THSD7B: variants seen among roughly 807,000 people sequenced by gnomAD.
THSD7B encodes the protein thrombospondin type-1 domain-containing protein 7B.
In THSD7B, 138 loss-of-function variants were observed where a neutral mutation model predicts 213.6. The ratio of observed to expected loss-of-function variants is 0.65; its 90% CI spans 0.56 to 0.74. The LOEUF (loss-of-function observed/expected upper bound fraction) is 0.74. THSD7B is among the 30% of genes least tolerant of loss of function. THSD7B has a pLI of 0.00. For synonymous variants in THSD7B, 742 were observed against 687.0 expected (o/e 1.08, Z -1.25); for missense variants, 1,931 against 1,991.5 (o/e 0.97, Z 0.58).
rs190103383 is a variant in THSD7B at position 137,088,188 on chromosome 2, T to C, written c.951-6685T>C. 2.6e-3 allele frequency among the ~76,000 whole-genome samples: 393 copies of C among 151,754 alleles called. 4 individuals are homozygous for C. Among genetic ancestry groups the C allele is most frequent in the African/African-American group, 8.6e-3 (356 of 41,370 alleles). ...CCAGGAGGTGGAGGTTGCAGTAAGC[T>C]GAGATTGCACCACTGCACTCCAGCC... On this transcript the variant is annotated intron_variant, in intron 3 of 27. Transcript: ENST00000409968.
intron 1 of THSD7B, among the ~76,000 whole-genome samples, chr2:136,860,242 A>G (rs1414084779): frequency 2.0e-5 from 3 of 152,058 alleles, no homozygotes; most frequent in Non-Finnish European, 4.4e-5. Flanking sequence ...CGATGCGAGT[A>G]GAGGGAGTGC....
In THSD7B at chr2:137,479,409, C is replaced by T. The variant is rs1688256049; in HGVS notation, c.3138+28386C>T. The T allele has an allele frequency of 1.0e-5, 3 of 295,114 alleles. No individual in the cohort carries two copies. The Admixed American group carries it at 1.3e-4, about 12-fold the overall frequency. 18.3% of individuals were successfully genotyped at this position (295,114 alleles called of 1,614,324 possible). A position where few individuals can be genotyped will look rare whatever the true frequency, so the allele number is the denominator to read the frequency against. ...GCTTGGTGGGCCTGTCCTCTGGCTT[C>T]CCAGTGGTGCATGCAGGTGCTGGCT... is the stretch of plus-strand genomic sequence containing the variant. On this transcript the variant is annotated intron_variant, in intron 15 of 27. Coordinates refer to ENST00000409968, the MANE Select transcript of THSD7B (RefSeq NM_001316349.2).
At chr2:137,461,007 A>G (rs1385751393) in intron 15 of THSD7B, among the ~76,000 whole-genome samples, 1 of 152,064 alleles carries the variant, frequency 6.6e-6, no homozygotes, top group Admixed American at 6.6e-5. Context: ...ACTTAATATT[A>G]TTATTCATGA....
chr2:137,550,271 T>C (rs1680820382), intron 15 of THSD7B, among the ~76,000 whole-genome samples: 1 of 152,072 alleles, frequency 6.6e-6, no homozygotes, highest in African/African-American at 2.4e-5. Context: ...CTCAAATTTG[T>C]CTGTACATGT....
intron 3 of THSD7B, among the ~76,000 whole-genome samples, chr2:137,065,525 T>C (rs1274361194): frequency 6.6e-6 from 1 of 152,082 alleles, no homozygotes; most frequent in African/African-American, 2.4e-5. Context: ...AGACTTTCAG[T>C]ACTATGTTAA....
intron 17 of THSD7B, among the ~76,000 whole-genome samples, chr2:137,597,507 C>G (rs1052110338): frequency 6.7e-6 from 1 of 150,138 alleles, no homozygotes; most frequent in African/African-American, 2.5e-5. Flanking sequence ...GCAAATATCA[C>G]TACAATAAAA....
intron 12 of THSD7B, among the ~76,000 whole-genome samples, chr2:137,358,684 T>C (rs1324276850): frequency 1.3e-5 from 2 of 152,174 alleles, no homozygotes; most frequent in Non-Finnish European, 2.9e-5. Flanking sequence ...CAGTTGCAGA[T>C]TGATGAGGAG....
At chr2:137,562,015 T>TA (rs1405736285) in intron 15 of THSD7B, among the ~76,000 whole-genome samples, 3 of 152,154 alleles carry the variant, frequency 2.0e-5, no homozygotes, top group African/African-American at 7.2e-5. Flanking sequence ...TCTTCAGAGG[T>TA]AGTCTTGCAA....
intron 4 of THSD7B, 86 bp from the exon 5 acceptor site, chr2:137,115,038 C>T (rs1014103897): frequency 6.7e-7 from 1 of 1,483,122 alleles, no homozygotes. Flanking sequence ...GAGATTATGC[C>T]TCTTGATGTC....
chr2:137,638,838 A>G (rs935060898), intron 20 of THSD7B, among the ~76,000 whole-genome samples: 5 of 152,138 alleles, frequency 3.3e-5, no homozygotes, highest in Admixed American at 2.6e-4. Flanking sequence ...GATTTGTGAA[A>G]CTTCGAACTT....
intron 2 of THSD7B, among the ~76,000 whole-genome samples, chr2:136,914,240 AT>A (rs1376052979): frequency 1.3e-4 from 20 of 152,212 alleles, no homozygotes; most frequent in Admixed American, 1.3e-3. Context: ...CCCATTTGGA[AT>A]AGCTGTATTT....
At chr2:137,117,613 G>A (rs765104380) in intron 5 of THSD7B, among the ~76,000 whole-genome samples, 7 of 152,130 alleles carry the variant, frequency 4.6e-5, no homozygotes, top group Middle Eastern at 3.4e-3. Context: ...CTCTCTCTCT[G>A]TTCACTCTGG....
At chr2:136,980,356 T>A (rs1685553668) in intron 2 of THSD7B, among the ~76,000 whole-genome samples, 1 of 152,104 alleles carries the variant, frequency 6.6e-6, no homozygotes, top group African/African-American at 2.4e-5. Context: ...AAAAATTAAG[T>A]CCATTGAACT....
chr2:137,005,136 A>C (rs1686079349), intron 2 of THSD7B, among the ~76,000 whole-genome samples: 1 of 152,186 alleles, frequency 6.6e-6, no homozygotes, highest in South Asian at 2.1e-4. Flanking sequence ...TTAAAGCATT[A>C]TTTGATATAA....
At chr2:137,077,726 C>T (rs951549314) in intron 3 of THSD7B, among the ~76,000 whole-genome samples, 2 of 150,164 alleles carry the variant, frequency 1.3e-5, no homozygotes, top group African/African-American at 2.5e-5. Context: ...TGTATATTAG[C>T]CCTTTGTCAG....
chr2:137,068,861 C>T (rs763606520), intron 3 of THSD7B, among the ~76,000 whole-genome samples: 4 of 151,978 alleles, frequency 2.6e-5, no homozygotes, highest in Non-Finnish European at 5.9e-5. Flanking sequence ...AAGAGCTTGT[C>T]TTTACTTCTA....
chr2:136,976,690 C>T (rs753087908), intron 2 of THSD7B, among the ~76,000 whole-genome samples: 3 of 151,292 alleles, frequency 2.0e-5, no homozygotes, highest in African/African-American at 7.3e-5. Context: ...GGTACGATCT[C>T]GGCTCACTGC....
At chr2:136,779,861 C>T (rs2104905238) in intron 1 of THSD7B, among the ~76,000 whole-genome samples, 1 of 152,190 alleles carries the variant, frequency 6.6e-6, no homozygotes, top group Non-Finnish European at 1.5e-5. Context: ...AGGGTTAGTC[C>T]TATGGAGGAG....
intron 15 of THSD7B, among the ~76,000 whole-genome samples, chr2:137,488,380 T>G (rs1181027096): frequency 1.3e-5 from 2 of 152,188 alleles, no homozygotes; most frequent in Non-Finnish European, 2.9e-5. Context: ...TAATATATAT[T>G]ACATGTGTTA....
Sources: allele counts gnomAD v4.1 joint callset (sites outside exome capture counted in the v4.1 genomes callset), GRCh38; gene constraint gnomAD v4.1.1; transcripts MANE v1.5; gene names NCBI Gene and HGNC (gene_info 2026-07-23, HGNC 2026-07-21).